OTUD7A: variants seen among roughly 807,000 people sequenced by gnomAD.
OTUD7A encodes the protein OTU deubiquitinase 7A.
Under a neutral mutation model 65.7 loss-of-function variants are expected in OTUD7A, and 12 were observed. That is an observed-to-expected ratio of 0.18 (90% confidence interval 0.12 to 0.30). OTUD7A has a LOEUF of 0.30. OTUD7A is among the 10% of genes least tolerant of loss of function. The pLI is 1.00. For synonymous variants in OTUD7A, 641 were observed against 586.3 expected, an observed-to-expected ratio of 1.09 and a Z score of -1.35; for missense variants, 1,148 against 1,304.8, an observed-to-expected ratio of 0.88 and a Z score of 1.85.
At chr15:31,564,563 T>A (rs1172399766) in intron 4 of OTUD7A, among the ~76,000 whole-genome samples, 2 of 152,064 alleles carry the variant, frequency 1.3e-5, no homozygotes, top group Non-Finnish European at 2.9e-5. Context: ...GAAAATATAG[T>A]TGTTAAGTTT....
rs998849105 is a variant in OTUD7A at position 31,479,734 on chromosome 15, C to T, written c.*3560G>A. ...GGCTCTGCATGGAGGATGTCCACACCCTGAGGTGTGCACCTGGGGGGCATG... is the reference window on the plus strand; with the variant it reads ...GGCTCTGCATGGAGGATGTCCACACTCTGAGGTGTGCACCTGGGGGGCATG... On this transcript the variant is annotated 3_prime_UTR_variant, in exon 13 of 13. Transcript: ENST00000307050. 7 of 151,960 alleles carry T rather than the reference C, an allele frequency of 4.6e-5. No homozygotes were observed. Among genetic ancestry groups the T allele is most frequent in the Admixed American group, 2.6e-4 (4 of 15,248 alleles). The allele number at this position is 151,960 out of a possible 1,614,324, so 9.4% of individuals were successfully genotyped here.
intron 3 of OTUD7A, among the ~76,000 whole-genome samples, chr15:31,576,891 T>G (rs139554665): frequency 4.6e-4 from 70 of 152,176 alleles, no homozygotes; most frequent in African/African-American, 1.6e-3. Flanking sequence ...AAAACTGAAT[T>G]CCTGGACATG....
At chr15:31,590,008 T>C (rs144973565) in intron 3 of OTUD7A, among the ~76,000 whole-genome samples, 96 of 152,302 alleles carry the variant, frequency 6.3e-4, no homozygotes, top group African/African-American at 2.2e-3. Flanking sequence ...GTTATAATTA[T>C]ACACACACAT....
At chr15:31,855,740 AAC>A (rs1720651292) in intron 1 of OTUD7A, among the ~76,000 whole-genome samples, 1 of 152,254 alleles carries the variant, frequency 6.6e-6, no homozygotes, top group Non-Finnish European at 1.5e-5. Flanking sequence ...CAAATTTAGT[AAC>A]CTTTCAACCC....
chr15:31,644,986 G>A (rs1402787994), intron 3 of OTUD7A, among the ~76,000 whole-genome samples: 3 of 152,098 alleles, frequency 2.0e-5, no homozygotes, highest in Non-Finnish European at 4.4e-5. Context: ...GGCACTGATC[G>A]GCACTTGGCT....
At chr15:31,859,405 C>T (rs1316390799) in intron 1 of OTUD7A, among the ~76,000 whole-genome samples, 4 of 152,220 alleles carry the variant, frequency 2.6e-5, no homozygotes, top group Non-Finnish European at 5.9e-5. Flanking sequence ...TTAGCCACCA[C>T]ATTATACAAC....
intron 3 of OTUD7A, among the ~76,000 whole-genome samples, chr15:31,652,364 G>A (rs1481488107): frequency 1.3e-5 from 2 of 152,170 alleles, no homozygotes; most frequent in African/African-American, 4.8e-5. Context: ...AGATCTAAAT[G>A]TAAAACATGA....
intron 3 of OTUD7A, among the ~76,000 whole-genome samples, chr15:31,634,574 T>C (rs1224101950): frequency 6.6e-6 from 1 of 152,246 alleles, no homozygotes; most frequent in Admixed American, 6.5e-5. Context: ...GCTCTGTGCA[T>C]GCTCATGGCC....
In OTUD7A at chr15:31,804,465, G is replaced by A. The variant is rs947540493; in HGVS notation, c.-100+66042C>T. Among the ~76,000 whole-genome samples the A allele has an allele frequency of 7.9e-5, 12 of 152,226 alleles. 1 individual carries two copies. In the South Asian group the frequency reaches 1.7e-3, roughly 21 times the overall value. Reference sequence around the variant, plus strand: ...CCTCCTTTCTGGACCAACCCCTCCCGAGGGACTAAGCCCCCTCCTCCCCTT... The same window carrying A: ...CCTCCTTTCTGGACCAACCCCTCCCAAGGGACTAAGCCCCCTCCTCCCCTT... On this transcript the variant is annotated intron_variant, in intron 1 of 12. Transcript: ENST00000307050.
At chr15:31,553,442 T>G (rs1461649032) in intron 5 of OTUD7A, among the ~76,000 whole-genome samples, 2 of 152,088 alleles carry the variant, frequency 1.3e-5, no homozygotes, top group Non-Finnish European at 2.9e-5. Context: ...CGGGTTTCAC[T>G]TTAGGGCACT....
In OTUD7A at chr15:31,484,281, C is replaced by A. The variant is rs201183526; in HGVS notation, c.1815G>T (p.Ala605=). 2.8e-4 allele frequency: 442 copies of A among 1,592,942 alleles called. 1 individual carries two copies. In the East Asian group the frequency reaches 9.7e-3, roughly 35 times the overall value. The change falls in exon 13 of 13, where the codon GCG becomes GCT. Residue 605 remains alanine, a synonymous_variant. Coordinates refer to ENST00000307050, the MANE Select transcript of OTUD7A (RefSeq NM_001382637.1). This position sits in a 1 kb window ranked among gnomAD's most constrained non-coding sequence, Gnocchi z 4.5. The part of the protein sequence containing the change: ...TPSPTDKAAG[A]SPAEKGGGPR... ...GCCCACCGCCCTTCTCCGCCGGCGA[C>A]GCGCCCGCTGCCTTGTCTGTGGGCG...
chr15:31,617,164 CAA>C (rs949943900), intron 3 of OTUD7A, among the ~76,000 whole-genome samples: 1 of 151,920 alleles, frequency 6.6e-6, no homozygotes, highest in Non-Finnish European at 1.5e-5. Context: ...TCGATGAAGC[CAA>C]AAAATGGTTC....
chr15:31,566,083 C>T (rs1040356606), intron 4 of OTUD7A, among the ~76,000 whole-genome samples: 3 of 151,264 alleles, frequency 2.0e-5, no homozygotes, highest in East Asian at 1.9e-4. Flanking sequence ...CCCAGTTACT[C>T]GGGAGGCTGA....
chr15:31,658,919 C>G (rs1286356689), intron 1 of OTUD7A, among the ~76,000 whole-genome samples: 1 of 150,266 alleles, frequency 6.7e-6, no homozygotes, highest in African/African-American at 2.5e-5. Flanking sequence ...GTAATCCCAG[C>G]TACTTGGGAG....
At chr15:31,742,456 A>T (rs1363759223) in intron 1 of OTUD7A, among the ~76,000 whole-genome samples, 1 of 152,096 alleles carries the variant, frequency 6.6e-6, no homozygotes, top group South Asian at 2.1e-4. Context: ...AACCACTGAG[A>T]TTTTATAAAT....
At chr15:31,581,689 G>C (rs572221719) in intron 3 of OTUD7A, among the ~76,000 whole-genome samples, 28 of 152,350 alleles carry the variant, frequency 1.8e-4, no homozygotes, top group African/African-American at 6.0e-4. Flanking sequence ...TGGGATTTGA[G>C]ACTGCACAAA....
chr15:31,656,620 C>T (rs1892000596), intron 2 of OTUD7A, among the ~76,000 whole-genome samples: 1 of 150,414 alleles, frequency 6.6e-6, no homozygotes, highest in Non-Finnish European at 1.5e-5. Context: ...GTTTGAATCC[C>T]ATGCTATTGA....
intron 1 of OTUD7A, among the ~76,000 whole-genome samples, chr15:31,749,611 C>A (rs1231079757): frequency 6.6e-6 from 1 of 152,144 alleles, no homozygotes; most frequent in Non-Finnish European, 1.5e-5. Context: ...ACTGAATGGG[C>A]AAAAGCTGGA....
intron 1 of OTUD7A, among the ~76,000 whole-genome samples, chr15:31,664,310 TC>T (rs1190351867): frequency 7.9e-6 from 1 of 126,992 alleles, no homozygotes; most frequent in Admixed American, 7.3e-5. Context: ...GTTCACCACA[TC>T]CATGCCAACA....
Sources: allele counts gnomAD v4.1 joint callset (sites outside exome capture counted in the v4.1 genomes callset), GRCh38; gene constraint gnomAD v4.1.1; non-coding constraint Gnocchi (gnomAD v3.1); transcripts MANE v1.5; gene names NCBI Gene and HGNC (gene_info 2026-07-23, HGNC 2026-07-21).